Variants in KBTBD3 observed in about 807,000 individuals in gnomAD.
KBTBD3 encodes kelch repeat and BTB domain-containing protein 3.
KBTBD3 carries 38 observed loss-of-function variants against 49.6 expected under a neutral mutation model. The observed-to-expected ratio is 0.77, with a 90% CI of 0.59 to 1.00. The LOEUF (loss-of-function observed/expected upper bound fraction) is 1.00, where lower values mean the gene tolerates loss of function less well. Among genes scored for constraint, KBTBD3 ranks in the 50% least tolerant of loss-of-function variants. The probability of loss-of-function intolerance (pLI) is 0.00; values close to 1 mark genes in which losing one functional copy is unlikely to be tolerated. For synonymous variants in KBTBD3, 214 were observed against 250.4 expected, an observed-to-expected ratio of 0.85 and a Z score of 1.37; for missense variants, 661 against 712.0, an observed-to-expected ratio of 0.93 and a Z score of 0.81.
intron 2 of KBTBD3, among the ~76,000 whole-genome samples, chr11:106,060,620 A>G (rs749256940): frequency 1.6e-4 from 25 of 152,330 alleles, no homozygotes; most frequent in Non-Finnish European, 2.8e-4. Flanking sequence ...CCCCTTCCTT[A>G]CACCTTATAC....
At chr11:106,063,939 C>T (rs537123626) in intron 2 of KBTBD3, among the ~76,000 whole-genome samples, 90 of 151,978 alleles carry the variant, frequency 5.9e-4, no homozygotes, top group Non-Finnish European at 9.4e-4. Context: ...CAAAAAGAAA[C>T]GTAATTTAGC....
chr11:106,051,461 T>C lies in KBTBD3; in HGVS notation c.*1389A>G, dbSNP rs1860417295. 1 of 151,924 alleles carries C rather than the reference T, an allele frequency of 6.6e-6. No homozygotes were observed. The highest frequency in any genetic ancestry group is 1.5e-5 in the Non-Finnish European group (1 of 67,890). 9.4% of individuals were successfully genotyped at this position (151,924 alleles called of 1,614,324 possible). ...ATTTATATGATAAAATAAGAGAATC[T>C]TCATTTAGGTGTATTTCTACTTAGG... On this transcript the variant is annotated 3_prime_UTR_variant, in exon 4 of 4. Transcript: ENST00000531837.
chr11:106,057,273 A>T (rs1304858085), intron 3 of KBTBD3, among the ~76,000 whole-genome samples: 2 of 152,198 alleles, frequency 1.3e-5, no homozygotes, highest in African/African-American at 2.4e-5. Flanking sequence ...TAAATTGAGG[A>T]TTCAAAACAG....
chr11:106,059,420 A>T (rs531867273), intron 2 of KBTBD3, among the ~76,000 whole-genome samples: 1 of 152,328 alleles, frequency 6.6e-6, no homozygotes, highest in Admixed American at 6.5e-5. Flanking sequence ...TACATGATTA[A>T]TATTATTACT....
At chr11:106,064,459 G>C (rs1013990797) in intron 2 of KBTBD3, among the ~76,000 whole-genome samples, 1 of 151,786 alleles carries the variant, frequency 6.6e-6, no homozygotes, top group Non-Finnish European at 1.5e-5. Flanking sequence ...CGAGAGGATC[G>C]CTTGAGCCTG....
Position 106,058,922 on chromosome 11 carries a change from T to G in KBTBD3, c.176A>C (p.Lys59Thr), listed in dbSNP as rs757755460. The G allele has an allele frequency of 1.9e-6, 3 of 1,574,988 alleles. No homozygotes were observed. The highest frequency in any genetic ancestry group is 2.6e-6 in the Non-Finnish European group (3 of 1,168,262). The change falls in exon 3 of 4, where the codon AAA (lysine) becomes ACA (threonine). Residue 59 changes from lysine (K) to threonine (T), a missense_variant. Coordinates refer to ENST00000531837, the MANE Select transcript of KBTBD3 (RefSeq NM_198439.3). ...NVFYDFKIIM[K>T]DEIIPCHRCV... ...ACGATGACACGGGATTATTTCATCT[T>G]TCATAATTATTTTGAAATCATAAAA...
chr11:106,065,792 C>T (rs1860798259), intron 2 of KBTBD3, among the ~76,000 whole-genome samples: 1 of 152,022 alleles, frequency 6.6e-6, no homozygotes, highest in Admixed American at 6.6e-5. Context: ...AAAACCCCGT[C>T]TCTACTAAAA....
At chr11:106,071,231 G>A (rs946945158) in intron 2 of KBTBD3, among the ~76,000 whole-genome samples, 6 of 151,952 alleles carry the variant, frequency 3.9e-5, no homozygotes, top group East Asian at 1.9e-4. Context: ...AAAATAAGTC[G>A]GAAATAAAAC....
intron 2 of KBTBD3, among the ~76,000 whole-genome samples, chr11:106,070,625 A>C (rs1860899356): frequency 6.6e-6 from 1 of 152,150 alleles, no homozygotes; most frequent in Non-Finnish European, 1.5e-5. Context: ...GAGACACTGG[A>C]TCACCCATAC....
chr11:106,052,889 A>G lies in KBTBD3; in HGVS notation c.1800T>C (p.Asn600=), dbSNP rs1190563147. The G allele has an allele frequency of 1.2e-6, 2 of 1,613,562 alleles. No homozygotes were observed. Among genetic ancestry groups the G allele is most frequent in the African/African-American group, 1.3e-5 (1 of 75,034 alleles). Residue 600 remains asparagine, a synonymous_variant, in exon 4 of 4, where the codon AAT becomes AAC. Coordinates refer to ENST00000531837, the MANE Select transcript of KBTBD3 (RefSeq NM_198439.3). ...TAGAAAACCATGGGTCTCTGTATTT[A>G]TTAAACTGAATCACCTGGCAGTAAA... The part of the protein sequence containing the change: ...TEFYCQVIQF[N]KYRDPWFSNL...
Position 106,053,456 on chromosome 11 carries a change from T to G in KBTBD3, c.1233A>C (p.Lys411Asn). 1 of 1,613,692 alleles carries G rather than the reference T, an allele frequency of 6.2e-7. No homozygotes were observed. Reference protein sequence around the residue: ...ALDRLFVIGGKTRGSRDIKSL... With the variant: ...ALDRLFVIGGNTRGSRDIKSL... ...TTTTAATGTCCCGGGATCCTCTAGTTTTTCCACCTATGACAAATAATCTAT... is the reference window on the plus strand; with the variant it reads ...TTTTAATGTCCCGGGATCCTCTAGTGTTTCCACCTATGACAAATAATCTAT... Residue 411 changes from lysine to asparagine, a missense_variant, in exon 4 of 4, where the codon AAA becomes AAC. By Grantham distance (94) the Lys-to-Asn change is moderately conservative. Coordinates refer to ENST00000531837, the MANE Select transcript of KBTBD3 (RefSeq NM_198439.3).
chr11:106,059,145 C>T (rs544505162), intron 2 of KBTBD3, 36 bp from the exon 3 acceptor site: 2 of 1,235,244 alleles, frequency 1.6e-6, no homozygotes, highest in South Asian at 3.1e-5. Context: ...GTAGTAGAGA[C>T]CTAATGCAAG....
At chr11:106,063,355 G>T (rs1412840758) in intron 2 of KBTBD3, among the ~76,000 whole-genome samples, 1 of 152,222 alleles carries the variant, frequency 6.6e-6, no homozygotes, top group Admixed American at 6.5e-5. Flanking sequence ...TCACACTGCT[G>T]GAGTGGAGCT....
At chr11:106,059,723 A>AT (rs1328738275) in intron 2 of KBTBD3, among the ~76,000 whole-genome samples, 2 of 152,222 alleles carry the variant, frequency 1.3e-5, no homozygotes, top group African/African-American at 4.8e-5. Context: ...ATTAAGAAAG[A>AT]TTTTTTAAAC....
At chr11:106,075,826 A>G (rs537025660) in intron 2 of KBTBD3, among the ~76,000 whole-genome samples, 103 of 152,324 alleles carry the variant, frequency 6.8e-4, no homozygotes, top group African/African-American at 2.3e-3. Flanking sequence ...AGGGGAGAAT[A>G]TTCTAGATTC....
At chr11:106,063,926 T>C (rs1322580464) in intron 2 of KBTBD3, among the ~76,000 whole-genome samples, 3 of 152,110 alleles carry the variant, frequency 2.0e-5, no homozygotes, top group Non-Finnish European at 2.9e-5. Flanking sequence ...AGAGACTCTG[T>C]CTCAAAAAGA....
intron 2 of KBTBD3, among the ~76,000 whole-genome samples, chr11:106,064,632 T>C (rs895948896): frequency 5.0e-4 from 76 of 152,312 alleles, no homozygotes; most frequent in African/African-American, 1.7e-3. Flanking sequence ...GACAATATGA[T>C]TGAAAACAGT....
At chr11:106,072,396 A>T (rs534083957) in intron 2 of KBTBD3, among the ~76,000 whole-genome samples, 15 of 152,282 alleles carry the variant, frequency 9.9e-5, no homozygotes, top group African/African-American at 3.6e-4. Context: ...TTGCATGAGT[A>T]GAAAAAATTC....
intron 2 of KBTBD3, among the ~76,000 whole-genome samples, chr11:106,062,629 A>C (rs1229133219): frequency 6.6e-6 from 1 of 152,192 alleles, no homozygotes; most frequent in Non-Finnish European, 1.5e-5. Context: ...TCAATTCTTC[A>C]TTTGATTGGA....
Sources: gnomAD v4.1 joint callset for allele counts (sites outside exome capture counted in the v4.1 genomes callset) on GRCh38, gnomAD v4.1.1 for gene constraint, MANE v1.5 for transcripts, NCBI Gene and HGNC (gene_info 2026-07-23, HGNC 2026-07-21) for gene names.